HEXD: variants seen among roughly 807,000 people sequenced by gnomAD.
HEXD encodes the protein hexosaminidase D, also known as N-acetyl-beta-galactosaminidase.
A neutral mutation model predicts 54.2 loss-of-function variants in HEXD; 47 were observed. The observed-to-expected ratio is 0.87, with a 90% confidence interval of 0.69 to 1.11. The LOEUF (loss-of-function observed/expected upper bound fraction) is 1.11, where lower values mean the gene tolerates loss of function less well. Ranked by LOEUF, HEXD falls within the 50% of genes least tolerant of loss-of-function variation. The pLI, the probability that HEXD is intolerant of heterozygous loss-of-function variation, is 0.00. For missense variants in HEXD, 576 were observed against 649.2 expected (o/e 0.89, Z 1.23); for synonymous variants, 293 against 287.6 (o/e 1.02, Z -0.19).
At chr17:82,439,805 T>G (rs1282331691) in intron 9 of HEXD, 92 bp downstream of exon 9, 1 of 1,593,798 alleles carries the variant, frequency 6.3e-7, no homozygotes, top group East Asian at 2.2e-5. Context: ...CCAACCACCC[T>G]GCTGGACTGT....
intron 9 of HEXD, chr17:82,439,985 C>A: frequency 6.9e-7 from 1 of 1,447,496 alleles, no homozygotes; most frequent in Non-Finnish European, 9.2e-7. Flanking sequence ...CAGAAATGCA[C>A]GCAGGTCGGA....
chr17:82,431,503 A>G (rs981423389), intron 4 of HEXD, among the ~76,000 whole-genome samples: 1 of 149,232 alleles, frequency 6.7e-6, no homozygotes, highest in Non-Finnish European at 1.5e-5. Flanking sequence ...ATCTCAGCTC[A>G]CTACAAACTC....
intron 4 of HEXD, among the ~76,000 whole-genome samples, chr17:82,433,032 C>T (rs1167650658): frequency 7.9e-6 from 1 of 126,310 alleles, no homozygotes; most frequent in African/African-American, 3.0e-5. Context: ...TGCCACTGCA[C>T]TCCAGACTGG....
chr17:82,440,867 G>A, intron 9 of HEXD, 130 bp from the exon 10 acceptor site: 2 of 1,018,422 alleles, frequency 2.0e-6, no homozygotes, highest in Non-Finnish European at 3.0e-6. Flanking sequence ...CACACGCGGG[G>A]CTGGGCCTGG....
chr17:82,429,419 G>A (rs2053513725), intron 4 of HEXD, among the ~76,000 whole-genome samples: 2 of 152,136 alleles, frequency 1.3e-5, no homozygotes, highest in Non-Finnish European at 2.9e-5. Context: ...GGGTAAGAAG[G>A]TTGTTTTCAC....
rs781340923 is a variant in HEXD, at chr17:82,439,711, G to A, written c.980G>A (p.Arg327His). The change falls in exon 9 of 13, where the codon CGC becomes CAC. Residue 327 changes from arginine to histidine, a missense_variant and splice_region_variant. Coordinates refer to ENST00000327949, the MANE Select transcript of HEXD (RefSeq NM_001330542.2). ...SLAACLQLLL[R>H]GGFDEDVKAK... ...GCCGCCTGCCTGCAGTTGCTTCTAC[G>A]CGGTATGTCTGGTCTGGCCACCCCA... The A allele has an allele frequency of 3.8e-6, 6 of 1,599,830 alleles. No homozygotes were observed. In the Admixed American group the frequency reaches 5.0e-5, roughly 13 times the overall value.
chr17:82,423,516 G>C (rs2053298752), intron 2 of HEXD: 1 of 150,700 alleles, frequency 6.6e-6, no homozygotes, highest in Non-Finnish European at 1.5e-5. Context: ...GACCCCATCT[G>C]TTAAAAAAAA....
chr17:82,440,977 C>T lies in HEXD; in HGVS notation c.983-20C>T, dbSNP rs752053509. 1.2e-6 allele frequency: 2 copies of T among 1,613,280 alleles called. No homozygotes were observed. The highest frequency in any genetic ancestry group is 2.2e-5 in the South Asian group (2 of 91,076). Reference sequence around the variant, plus strand: ...TCCTCCAGAGGCCCCTCCAACCGCCCCGCTCATTTGTGATTTCAGGAGGAT... The same window carrying T: ...TCCTCCAGAGGCCCCTCCAACCGCCTCGCTCATTTGTGATTTCAGGAGGAT... On this transcript the variant is annotated intron_variant, in intron 9 of 12. Coordinates refer to ENST00000327949, the MANE Select transcript of HEXD (RefSeq NM_001330542.2).
Position 82,440,723 on chromosome 17 carries a change from C to A in HEXD, c.983-274C>A. 3 of 494,692 alleles carry A rather than the reference C, an allele frequency of 6.1e-6. No individual in the cohort carries two copies. The East Asian group carries it at 1.2e-4, about 19-fold the overall frequency. The allele number at this position is 494,692 out of a possible 1,614,324, so 30.6% of individuals were successfully genotyped here. ...GTCGGGCTGCGCCCAGCAGGAAGAGCCACTTGCTGTCCGGGTGTTGCTGCT... is the reference window on the plus strand; with the variant it reads ...GTCGGGCTGCGCCCAGCAGGAAGAGACACTTGCTGTCCGGGTGTTGCTGCT... On this transcript the variant is annotated intron_variant, in intron 9 of 12. Transcript: ENST00000327949.
chr17:82,430,406 T>C (rs1467479074), intron 4 of HEXD, among the ~76,000 whole-genome samples: 1 of 152,246 alleles, frequency 6.6e-6, no homozygotes, highest in Admixed American at 6.5e-5. Context: ...TGTTTGTTTT[T>C]GAGACAGGGT....
rs376677461 is a variant in HEXD, at chr17:82,442,427, G to A, written c.*43G>A. ...GGGGGCTCCTGCTGGAGGCTGGGGG[G>A]GCTCTGCACTGCCAAATGGCCTGGG... On this transcript the variant is annotated 3_prime_UTR_variant, in exon 13 of 13. Coordinates refer to ENST00000327949, the MANE Select transcript of HEXD (RefSeq NM_001330542.2). The surrounding 1 kb of genome is among the most constrained non-coding windows in gnomAD (Gnocchi z 6.8). The A allele has an allele frequency of 9.2e-5, 148 of 1,610,008 alleles. No individual in the cohort carries two copies. Among genetic ancestry groups the A allele is most frequent in the South Asian group, 3.2e-4 (29 of 91,040 alleles).
At chr17:82,435,341 G>A (rs887902891) in intron 5 of HEXD, among the ~76,000 whole-genome samples, 3 of 152,228 alleles carry the variant, frequency 2.0e-5, no homozygotes, top group South Asian at 4.2e-4. Flanking sequence ...GTGCTCCTCC[G>A]GGCTGTCAGC....
Position 82,441,222 on chromosome 17 carries a change from C to T in HEXD, c.1119C>T (p.Ser373=), listed in dbSNP as rs751167731. Residue 373 remains serine (S), a synonymous_variant, in exon 11 of 13, where the codon AGC becomes AGT. Coordinates refer to ENST00000327949, the MANE Select transcript of HEXD (RefSeq NM_001330542.2). The part of the protein sequence containing the change: ...SNILALVTQV[S]LHLRSSVDAL... ...TCCTTGCCCTTGTCACACAAGTCAG[C>T]CTCCATCTGCGCAGCTCTGTGGATG... The T allele has an allele frequency of 3.1e-6, 5 of 1,613,064 alleles. No homozygotes were observed. In the South Asian group the frequency reaches 3.3e-5, roughly 11 times the overall value.
intron 8 of HEXD, 147 bp downstream of exon 8, chr17:82,437,510 CGTGGG>C (rs1312809771): frequency 1.9e-5 from 13 of 694,270 alleles, no homozygotes; most frequent in Non-Finnish European, 2.5e-5. Context: ...GAAACAGCCA[CGTGGG>C]GTTGGGCCCT....
chr17:82,423,945 C>T (rs1380025499), intron 2 of HEXD, among the ~76,000 whole-genome samples: 1 of 152,092 alleles, frequency 6.6e-6, no homozygotes, highest in African/African-American at 2.4e-5. Flanking sequence ...TGACCCCAAC[C>T]CTTCAGAGCC....
rs963602814 is a variant in HEXD, at chr17:82,435,943, G to A, written c.631+71G>A. The A allele has an allele frequency of 3.4e-6, 5 of 1,489,818 alleles. No individual in the cohort carries two copies. In the African/African-American group the frequency reaches 6.9e-5, roughly 20 times the overall value. The allele number at this position is 1,489,818 out of a possible 1,614,324, so 92.3% of individuals were successfully genotyped here. ...AAGACCTGCGGCTTCAAAGAAAGAA[G>A]GTGCTGTAGGAAGTGGGCCCCAGGG... On this transcript the variant is annotated intron_variant, in intron 6 of 12. Transcript: ENST00000327949.
chr17:82,436,958 C>G, intron 7 of HEXD: 1 of 633,804 alleles, frequency 1.6e-6, no homozygotes, highest in South Asian at 1.9e-5. Context: ...TCCTAGTGAG[C>G]AGGTGAACCA....
At chr17:82,423,925 C>T (rs1435230664) in intron 2 of HEXD, among the ~76,000 whole-genome samples, 1 of 152,058 alleles carries the variant, frequency 6.6e-6, no homozygotes, top group Non-Finnish European at 1.5e-5. Context: ...CTCTCACCTC[C>T]CCCAGGTGCT....
intron 8 of HEXD, chr17:82,439,379 G>T (rs527538052): frequency 6.3e-6 from 6 of 959,660 alleles, no homozygotes; most frequent in Middle Eastern, 1.1e-3. Context: ...CCATGGCTCC[G>T]GAGAGCATTG....
Sources: allele counts gnomAD v4.1 joint callset (sites outside exome capture counted in the v4.1 genomes callset), GRCh38; gene constraint gnomAD v4.1.1; non-coding constraint Gnocchi (gnomAD v3.1); transcripts MANE v1.5; gene names NCBI Gene and HGNC (gene_info 2026-07-23, HGNC 2026-07-21).